Variants in NXPH1 observed in about 807,000 individuals in gnomAD.
NXPH1 encodes the protein neurexophilin-1.
A neutral mutation model predicts 23.7 loss-of-function variants in NXPH1; 5 were observed. The ratio of observed to expected loss-of-function variants is 0.21; its 90% CI spans 0.11 to 0.44. NXPH1 has a LOEUF of 0.44. Ranked by LOEUF, NXPH1 falls within the 20% of genes least tolerant of loss-of-function variation. NXPH1 has a pLI of 0.99. For synonymous variants in NXPH1, 144 were observed against 122.2 expected, an observed-to-expected ratio of 1.18 and a Z score of -1.18; for missense variants, 324 against 321.6, an observed-to-expected ratio of 1.01 and a Z score of -0.06.
chr7:8,720,704 C>G (rs1779957052), intron 2 of NXPH1, among the ~76,000 whole-genome samples: 1 of 152,180 alleles, frequency 6.6e-6, no homozygotes, highest in Non-Finnish European at 1.5e-5. Flanking sequence ...GGCTAAATGA[C>G]TTACTAGGCG....
intron 2 of NXPH1, among the ~76,000 whole-genome samples, chr7:8,629,723 G>T (rs540222236): frequency 2.0e-5 from 3 of 152,068 alleles, no homozygotes; most frequent in Non-Finnish European, 4.4e-5. Flanking sequence ...GCAGAGCAAC[G>T]CCCAATAATA....
intron 2 of NXPH1, among the ~76,000 whole-genome samples, chr7:8,652,569 A>G (rs1820506449): frequency 6.6e-6 from 1 of 152,132 alleles, no homozygotes; most frequent in Admixed American, 6.6e-5. Flanking sequence ...ATTACACACA[A>G]TTTTTGAGCA....
intron 2 of NXPH1, among the ~76,000 whole-genome samples, chr7:8,649,808 G>A (rs1377949357): frequency 1.3e-5 from 2 of 152,014 alleles, no homozygotes; most frequent in African/African-American, 4.8e-5. Flanking sequence ...ATAAACACTA[G>A]TATTACTTGG....
At chr7:8,641,394 T>C (rs1300451932) in intron 2 of NXPH1, among the ~76,000 whole-genome samples, 1 of 152,182 alleles carries the variant, frequency 6.6e-6, no homozygotes, top group African/African-American at 2.4e-5. Flanking sequence ...TATTTTTAAA[T>C]TGGCCATGGT....
At chr7:8,613,754 T>C (rs539574626) in intron 2 of NXPH1, among the ~76,000 whole-genome samples, 1 of 151,848 alleles carries the variant, frequency 6.6e-6, no homozygotes, top group Admixed American at 6.6e-5. Flanking sequence ...TTTTTTAAGG[T>C]AACTGGCTAT....
chr7:8,505,116 A>C (rs2128613141), intron 2 of NXPH1, among the ~76,000 whole-genome samples: 1 of 151,880 alleles, frequency 6.6e-6, no homozygotes, highest in East Asian at 1.9e-4. Flanking sequence ...TTTTTGGTTA[A>C]ATGTCTGATT....
intron 2 of NXPH1, among the ~76,000 whole-genome samples, chr7:8,535,406 A>G (rs1818012430): frequency 6.6e-6 from 1 of 152,204 alleles, no homozygotes; most frequent in East Asian, 1.9e-4. Context: ...CTTCTGAATA[A>G]CCTTGGCTAT....
chr7:8,521,085 A>G (rs759134374), intron 2 of NXPH1, among the ~76,000 whole-genome samples: 4 of 152,180 alleles, frequency 2.6e-5, no homozygotes, highest in South Asian at 4.1e-4. Context: ...AAATCCATCA[A>G]TAAATACTTC....
chr7:8,483,338 C>T (rs533543008), intron 2 of NXPH1, among the ~76,000 whole-genome samples: 1 of 151,586 alleles, frequency 6.6e-6, no homozygotes, highest in Non-Finnish European at 1.5e-5. Flanking sequence ...ATTTTATTTT[C>T]TTTTTTTTAA....
At chr7:8,459,609 C>CT (rs1816657419) in intron 2 of NXPH1, among the ~76,000 whole-genome samples, 1 of 152,198 alleles carries the variant, frequency 6.6e-6, no homozygotes, top group African/African-American at 2.4e-5. Context: ...CTTTCCCCTA[C>CT]TAATGACTTC....
At chr7:8,746,200 C>A (rs1780467433) in intron 2 of NXPH1, among the ~76,000 whole-genome samples, 1 of 150,928 alleles carries the variant, frequency 6.6e-6, no homozygotes, top group Non-Finnish European at 1.5e-5. Context: ...TAGTCTTGAA[C>A]AGCTCTGGGG....
At chr7:8,620,672 CAAAA>C (rs1819848828) in intron 2 of NXPH1, among the ~76,000 whole-genome samples, 1 of 152,158 alleles carries the variant, frequency 6.6e-6, no homozygotes, top group Non-Finnish European at 1.5e-5. Context: ...GTCAAGCTGA[CAAAA>C]AAGCTGAAGC....
chr7:8,564,657 G>C (rs940162425), intron 2 of NXPH1, among the ~76,000 whole-genome samples: 7 of 151,830 alleles, frequency 4.6e-5, no homozygotes, highest in Non-Finnish European at 1.0e-4. Flanking sequence ...AGCATCACTT[G>C]AATGCTTTAC....
intron 2 of NXPH1, among the ~76,000 whole-genome samples, chr7:8,473,710 T>A (rs1816912110): frequency 6.6e-6 from 1 of 151,738 alleles, no homozygotes; most frequent in South Asian, 2.1e-4. Context: ...CACAGTGATT[T>A]GAGGTAGACA....
Position 8,435,876 on chromosome 7 carries a change from T to G in NXPH1, c.54+109T>G. ...CGCCGCCAGTTCAGTGAGAGCAGCT[T>G]CCTAGCAGCTGTGTTGGAGCAACTT... On this transcript the variant is annotated intron_variant, in intron 2 of 2. Transcript: ENST00000405863. The surrounding 1 kb of genome is among the most constrained non-coding windows in gnomAD (Gnocchi z 5.9). 1 of 1,029,258 alleles carries G rather than the reference T, an allele frequency of 9.7e-7. No individual in the cohort carries two copies. The highest frequency in any genetic ancestry group is 1.5e-6 in the Non-Finnish European group (1 of 649,642). The allele number at this position is 1,029,258 out of a possible 1,614,324, so 63.8% of individuals were successfully genotyped here. A position where few individuals can be genotyped will look rare whatever the true frequency, so the allele number is the denominator to read the frequency against.
In NXPH1 at chr7:8,493,616, A is replaced by G. The variant is rs541077588; in HGVS notation, c.54+57849A>G. On this transcript the variant is annotated intron_variant, in intron 2 of 2. Coordinates refer to ENST00000405863, the MANE Select transcript of NXPH1 (RefSeq NM_152745.3). Reference sequence around the variant, plus strand: ...TATTTTCTCTCCTTGACCTGGAGTAAATGTCCACTTACGGGATTAGAAGAA... The same window carrying G: ...TATTTTCTCTCCTTGACCTGGAGTAGATGTCCACTTACGGGATTAGAAGAA... Among the ~76,000 whole-genome samples, 25 of 152,172 alleles carry G rather than the reference A, an allele frequency of 1.6e-4. No homozygotes were observed. The East Asian group carries it at 2.1e-3, about 13-fold the overall frequency.
chr7:8,610,988 A>T (rs995100083), intron 2 of NXPH1, among the ~76,000 whole-genome samples: 1 of 152,170 alleles, frequency 6.6e-6, no homozygotes, highest in Non-Finnish European at 1.5e-5. Flanking sequence ...TCACAATAGC[A>T]CTGGGTCTGG....
chr7:8,620,008 C>T (rs1220741166), intron 2 of NXPH1, among the ~76,000 whole-genome samples: 1 of 152,114 alleles, frequency 6.6e-6, no homozygotes, highest in African/African-American at 2.4e-5. Context: ...AGAGTTTTTC[C>T]ATCCACGTAC....
intron 2 of NXPH1, among the ~76,000 whole-genome samples, chr7:8,553,406 A>C (rs1374458997): frequency 1.3e-5 from 2 of 150,804 alleles, no homozygotes; most frequent in Admixed American, 1.3e-4. Context: ...TTCTATATTT[A>C]AAATGATGGA....
Sources: allele counts gnomAD v4.1 joint callset (sites outside exome capture counted in the v4.1 genomes callset), GRCh38; gene constraint gnomAD v4.1.1; non-coding constraint Gnocchi (gnomAD v3.1); transcripts MANE v1.5; gene names NCBI Gene and HGNC (gene_info 2026-07-23, HGNC 2026-07-21).